Variants in SETD7 observed in about 807,000 individuals in gnomAD.
SETD7 encodes histone-lysine N-methyltransferase SETD7.
A neutral mutation model predicts 41.8 loss-of-function variants in SETD7; 16 were observed. That is an observed-to-expected ratio of 0.38 (90% confidence interval 0.26 to 0.58). The LOEUF (loss-of-function observed/expected upper bound fraction) is 0.58, where lower values mean the gene tolerates loss of function less well. SETD7 is among the 20% of genes least tolerant of loss of function. SETD7 has a pLI of 0.64. For synonymous variants in SETD7, 163 were observed against 169.7 expected (o/e 0.96, Z 0.31); for missense variants, 346 against 459.7 (o/e 0.75, Z 2.26).
chr4:139,548,460 G>A (rs184842844), intron 1 of SETD7, among the ~76,000 whole-genome samples: 15 of 152,082 alleles, frequency 9.9e-5, no homozygotes, highest in Admixed American at 4.6e-4. Context: ...GTGAAACCCC[G>A]TCTTTACTAA....
chr4:139,514,280 C>G (rs1726959873), intron 7 of SETD7, among the ~76,000 whole-genome samples: 1 of 139,764 alleles, frequency 7.2e-6, no homozygotes, highest in African/African-American at 3.0e-5. Flanking sequence ...GAACCCATCT[C>G]AGAAAAAAAA....
At chr4:139,520,115 G>T (rs539892758) in intron 6 of SETD7, among the ~76,000 whole-genome samples, 162 bp downstream of exon 6, 2 of 151,986 alleles carry the variant, frequency 1.3e-5, no homozygotes, top group African/African-American at 4.8e-5. Flanking sequence ...AAAAAAAATC[G>T]TATTAAGGCT....
intron 7 of SETD7, among the ~76,000 whole-genome samples, chr4:139,499,759 C>A (rs918990613): frequency 6.6e-6 from 1 of 152,166 alleles, no homozygotes; most frequent in Non-Finnish European, 1.5e-5. Context: ...TCATTAAATT[C>A]TTTCTTCGCT....
chr4:139,511,435 G>A lies in SETD7; in HGVS notation c.*228C>T, dbSNP rs1726871842. 2 of 615,408 alleles carry A rather than the reference G, an allele frequency of 3.2e-6. No individual in the cohort carries two copies. Among genetic ancestry groups the A allele is most frequent in the Admixed American group, 7.5e-5 (2 of 26,704 alleles). The allele number at this position is 615,408 out of a possible 1,614,324, so 38.1% of individuals were successfully genotyped here. On this transcript the variant is annotated 3_prime_UTR_variant, in exon 8 of 8. Coordinates refer to ENST00000274031, the MANE Select transcript of SETD7 (RefSeq NM_030648.4). The stretch of plus-strand genomic sequence containing the variant: ...AACATCACGCTGTCTTATGTCAAAT[G>A]CTCGACAATACCTCTCAGTAGGACG...
chr4:139,503,920 CTTTCCT>C (rs1726643094), downstream of SETD7, among the ~76,000 whole-genome samples: 1 of 152,198 alleles, frequency 6.6e-6, no homozygotes, highest in Non-Finnish European at 1.5e-5. Context: ...ATAGAAGAGA[CTTTCCT>C]TTTCATCTAT....
Position 139,533,371 on chromosome 4 carries a change from G to A in SETD7, c.171-5C>T. 3.1e-6 allele frequency: 5 copies of A among 1,611,760 alleles called. No homozygotes were observed. Among genetic ancestry groups the A allele is most frequent in the Non-Finnish European group, 4.2e-6 (5 of 1,178,738 alleles). On this transcript the variant is annotated splice_region_variant and splice_polypyrimidine_tract_variant and intron_variant, in intron 2 of 7. Coordinates refer to ENST00000274031, the MANE Select transcript of SETD7 (RefSeq NM_030648.4). ...ACATAATACCCCTCCAGGGTGCTGT[G>A]AGGAAAGGAAAAACAAAAAGGAATA...
At chr4:139,550,155 C>T (rs1341444841) in intron 1 of SETD7, among the ~76,000 whole-genome samples, 2 of 152,126 alleles carry the variant, frequency 1.3e-5, no homozygotes, top group Non-Finnish European at 2.9e-5. Context: ...GGATTACAGG[C>T]AAGAACCACC....
intron 4 of SETD7, among the ~76,000 whole-genome samples, chr4:139,525,527 C>T (rs1186676803): frequency 6.6e-6 from 1 of 151,902 alleles, no homozygotes; most frequent in African/African-American, 2.4e-5. Context: ...TAGGAATTAG[C>T]CAAGGAAAGC....
intron 4 of SETD7, among the ~76,000 whole-genome samples, chr4:139,526,901 T>C (rs1167419436): frequency 2.0e-5 from 3 of 152,244 alleles, no homozygotes; most frequent in Non-Finnish European, 4.4e-5. Context: ...ATCAAGGGCA[T>C]AGATATCACA....
intron 7 of SETD7, among the ~76,000 whole-genome samples, chr4:139,497,504 G>A (rs1200089686): frequency 6.6e-6 from 1 of 151,810 alleles, no homozygotes; most frequent in Non-Finnish European, 1.5e-5. Context: ...AGCCCTGGAA[G>A]TGGTGTCTTA....
At chr4:139,554,143 T>C (rs1161102756) in intron 1 of SETD7, among the ~76,000 whole-genome samples, 1 of 152,190 alleles carries the variant, frequency 6.6e-6, no homozygotes, top group Non-Finnish European at 1.5e-5. Context: ...TGCCCCAGCA[T>C]CATTATTAAT....
At chr4:139,548,080 G>A (rs1023675327) in intron 1 of SETD7, 1 of 152,172 alleles carries the variant, frequency 6.6e-6, no homozygotes, top group African/African-American at 2.4e-5. Context: ...TGAAAATGAA[G>A]GCAGTAGTTA....
intron 1 of SETD7, among the ~76,000 whole-genome samples, chr4:139,551,445 T>C (rs1728107269): frequency 6.6e-6 from 1 of 152,240 alleles, no homozygotes; most frequent in South Asian, 2.1e-4. Flanking sequence ...CTTTATTCTA[T>C]GGTCATTATC....
chr4:139,494,926 A>T (rs1424261851), downstream of SETD7, among the ~76,000 whole-genome samples: 1 of 152,274 alleles, frequency 6.6e-6, no homozygotes, highest in Admixed American at 6.5e-5. Flanking sequence ...TGCACATGAA[A>T]TTCTACTTAG....
chr4:139,541,224 C>A (rs1208542291), intron 2 of SETD7, among the ~76,000 whole-genome samples: 1 of 152,154 alleles, frequency 6.6e-6, no homozygotes, highest in African/African-American at 2.4e-5. Context: ...TTCCATAGCC[C>A]CCGCAAAGCC....
downstream of SETD7, among the ~76,000 whole-genome samples, chr4:139,493,419 A>G (rs979118456): frequency 1.3e-5 from 2 of 152,220 alleles, no homozygotes; most frequent in African/African-American, 4.8e-5. Flanking sequence ...GGGAGAACGG[A>G]CTGAATGATA....
intron 1 of SETD7, among the ~76,000 whole-genome samples, chr4:139,552,669 T>C (rs1728142618): frequency 6.6e-6 from 1 of 152,102 alleles, no homozygotes; most frequent in African/African-American, 2.4e-5. Context: ...TGCAGCAAAA[T>C]CAAATGACTG....
chr4:139,504,093 C>T (rs1726647219), downstream of SETD7, among the ~76,000 whole-genome samples: 1 of 152,152 alleles, frequency 6.6e-6, no homozygotes, highest in Admixed American at 6.5e-5. Context: ...TGTAGGGCCA[C>T]TCAGCACTTC....
chr4:139,523,329 A>G (rs757787675), intron 5 of SETD7, 25 bp downstream of exon 5: 16 of 1,560,904 alleles, frequency 1.0e-5, no homozygotes, highest in African/African-American at 9.5e-5. Context: ...AAACAGTGCA[A>G]TTAAAACCCC....
Sources: allele counts gnomAD v4.1 joint callset (sites outside exome capture counted in the v4.1 genomes callset), GRCh38; gene constraint gnomAD v4.1.1; transcripts MANE v1.5; gene names NCBI Gene and HGNC (gene_info 2026-07-23, HGNC 2026-07-21).